Variants in BICRAL observed in about 807,000 individuals in gnomAD.
BICRAL encodes the protein BRD4-interacting chromatin-remodeling complex-associated protein-like.
A neutral mutation model predicts 91.8 loss-of-function variants in BICRAL; 8 were observed. The ratio of observed to expected loss-of-function variants is 0.09; its 90% confidence interval spans 0.05 to 0.16. BICRAL has a LOEUF of 0.16. Among genes scored for constraint, BICRAL ranks in the 10% least tolerant of loss-of-function variants. The probability of loss-of-function intolerance (pLI) is 1.00; values close to 1 mark genes in which losing one functional copy is unlikely to be tolerated. For synonymous variants in BICRAL, 445 were observed against 491.1 expected, an observed-to-expected ratio of 0.91 and a Z score of 1.24; for missense variants, 1,038 against 1,310.9, an observed-to-expected ratio of 0.79 and a Z score of 3.21.
intron 1 of BICRAL, among the ~76,000 whole-genome samples, chr6:42,770,588 G>C (rs1661678709): frequency 6.6e-6 from 1 of 151,642 alleles, no homozygotes; most frequent in South Asian, 2.1e-4. Context: ...CTAATTTTTT[G>C]TATTTTTAGT....
chr6:42,848,445 A>G (rs1038645117), intron 6 of BICRAL, among the ~76,000 whole-genome samples: 8 of 152,210 alleles, frequency 5.3e-5, no homozygotes, highest in African/African-American at 1.7e-4. Context: ...AGCGATTGCA[A>G]ATTTTCATGC....
intron 1 of BICRAL, among the ~76,000 whole-genome samples, chr6:42,751,356 T>C (rs1194009514): frequency 6.6e-6 from 1 of 152,176 alleles, no homozygotes; most frequent in African/African-American, 2.4e-5. Flanking sequence ...ATTTGTTCAG[T>C]AGAGTTTCCC....
chr6:42,861,739 C>T (rs1765561972), intron 11 of BICRAL, among the ~76,000 whole-genome samples: 1 of 152,158 alleles, frequency 6.6e-6, no homozygotes, highest in South Asian at 2.1e-4. Flanking sequence ...TGGCTCACGC[C>T]TGTAATCCCA....
At chr6:42,790,959 A>G (rs1031258748) in intron 1 of BICRAL, among the ~76,000 whole-genome samples, 10 of 152,094 alleles carry the variant, frequency 6.6e-5, no homozygotes, top group Admixed American at 1.3e-4. Flanking sequence ...TGGATTTTAA[A>G]AGGAAAGCCC....
chr6:42,828,129 A>G (rs1171823054), intron 5 of BICRAL, among the ~76,000 whole-genome samples: 1 of 151,906 alleles, frequency 6.6e-6, no homozygotes, highest in Non-Finnish European at 1.5e-5. Context: ...CAAAAGTAAG[A>G]TTGGCCAGGC....
intron 2 of BICRAL, among the ~76,000 whole-genome samples, chr6:42,816,782 AG>A (rs1177134265): frequency 6.6e-6 from 1 of 152,132 alleles, no homozygotes; most frequent in Non-Finnish European, 1.5e-5. Flanking sequence ...TGGGAGGCCG[AG>A]GCGGGCGGAT....
chr6:42,800,245 A>T (rs991258128), intron 1 of BICRAL, among the ~76,000 whole-genome samples: 3 of 151,944 alleles, frequency 2.0e-5, no homozygotes, highest in Non-Finnish European at 4.4e-5. Flanking sequence ...TTGTATTTTT[A>T]GTAGAGATAG....
Position 42,829,006 on chromosome 6 carries a change from A to G in BICRAL, c.673A>G (p.Met225Val), listed in dbSNP as rs941126959. 7 of 1,613,880 alleles carry G rather than the reference A, an allele frequency of 4.3e-6. No homozygotes were observed. The highest frequency in any genetic ancestry group is 5.1e-6 in the Non-Finnish European group (6 of 1,179,868). Residue 225 changes from methionine (M) to valine (V), a missense_variant, in exon 6 of 13, where the codon ATG becomes GTG. Met to Val is a conservative substitution (Grantham distance 21). Around this residue, in one of 5 missense-constraint regions of BICRAL, gnomAD observed 532 missense variants for 724.9 expected, o/e 0.73. Coordinates refer to ENST00000314073, the MANE Select transcript of BICRAL (RefSeq NM_001393499.1). ...TGGGTCATTTGGTAATCATCCTTCC[A>G]TGATGACTATTAATAACCTAGATGG... ...LIGSFGNHPSMMTINNLDGSQ... is the reference protein window; with the variant it reads ...LIGSFGNHPSVMTINNLDGSQ...
intron 6 of BICRAL, among the ~76,000 whole-genome samples, chr6:42,847,238 C>G (rs1036195680): frequency 6.6e-6 from 1 of 152,078 alleles, no homozygotes; most frequent in African/African-American, 2.4e-5. Context: ...CAACAGATAC[C>G]CTGTCTTAGG....
At chr6:42,783,845 T>G (rs895603617) in intron 1 of BICRAL, among the ~76,000 whole-genome samples, 7 of 152,322 alleles carry the variant, frequency 4.6e-5, no homozygotes, top group Admixed American at 4.6e-4. Context: ...GCTCCTGCCA[T>G]TTTCTCTCCT....
In BICRAL at chr6:42,829,581, C is replaced by T. The variant is rs372173810; in HGVS notation, c.1248C>T (p.His416=). 2.0e-5 allele frequency: 32 copies of T among 1,614,072 alleles called. No homozygotes were observed. The African/African-American group carries it at 2.1e-4, about 11-fold the overall frequency. The part of the protein sequence containing the change: ...SLSVSSNSVH[H]VQTINGQLLQ... ...CTGTCAGTTCCAACTCGGTACACCACGTCCAGACTATAAATGGGCAACTTC... is the reference window on the plus strand; with the variant it reads ...CTGTCAGTTCCAACTCGGTACACCATGTCCAGACTATAAATGGGCAACTTC... The change falls in exon 6 of 13, where the codon CAC becomes CAT. Residue 416 remains histidine (H), a synonymous_variant. Transcript: ENST00000314073.
chr6:42,747,238 C>A (rs905485960), intron 1 of BICRAL, among the ~76,000 whole-genome samples: 6 of 152,202 alleles, frequency 3.9e-5, no homozygotes, highest in African/African-American at 1.2e-4. Context: ...AGGGCGAGAA[C>A]CCGAGACGCA....
At chr6:42,788,646 A>AT (rs1763175303) in intron 1 of BICRAL, among the ~76,000 whole-genome samples, 2 of 152,196 alleles carry the variant, frequency 1.3e-5, no homozygotes, top group African/African-American at 4.8e-5. Flanking sequence ...TGGAGGTAGA[A>AT]TATAGGACTT....
chr6:42,862,597 G>C lies in BICRAL; in HGVS notation c.2437G>C (p.Ala813Pro). Reference protein sequence around the residue: ...RASLSRDKRLALVDPEGFQAD... With the variant: ...RASLSRDKRLPLVDPEGFQAD... ...TTCCCTGTCCCGAGACAAGCGTTTGGCACTTGTAGACCCTGGTAAGAAACA... is the reference window on the plus strand; with the variant it reads ...TTCCCTGTCCCGAGACAAGCGTTTGCCACTTGTAGACCCTGGTAAGAAACA... The change falls in exon 12 of 13, where the codon GCA (alanine) becomes CCA (proline). Residue 813 changes from alanine (A) to proline (P), a missense_variant. This residue lies in a region of BICRAL where 294 missense variants were observed against 292.6 expected (regional missense o/e 1.00). Coordinates refer to ENST00000314073, the MANE Select transcript of BICRAL (RefSeq NM_001393499.1). 2 of 1,598,702 alleles carry C rather than the reference G, an allele frequency of 1.3e-6. No homozygotes were observed. Among genetic ancestry groups the C allele is most frequent in the Non-Finnish European group, 1.7e-6 (2 of 1,166,184 alleles).
intron 1 of BICRAL, among the ~76,000 whole-genome samples, chr6:42,789,064 T>G (rs1763191114): frequency 6.6e-6 from 1 of 152,098 alleles, no homozygotes; most frequent in Non-Finnish European, 1.5e-5. Context: ...CCTTGAAATG[T>G]TAGCTGAGTA....
chr6:42,767,349 TAA>T (rs1426543876), intron 1 of BICRAL, among the ~76,000 whole-genome samples: 1 of 152,224 alleles, frequency 6.6e-6, no homozygotes, highest in African/African-American at 2.4e-5. Context: ...ATGCCTCATG[TAA>T]AAGTTTTTTT....
In BICRAL at chr6:42,866,714, G is replaced by T. The variant is rs963522097; in HGVS notation, c.*1268G>T. On this transcript the variant is annotated 3_prime_UTR_variant, in exon 13 of 13. Transcript: ENST00000314073. ...TATGCCCTGTCATGGTTTCTGTTTGGCCTGTGTTCATATTAGTGAGCATGG... is the reference window on the plus strand; with the variant it reads ...TATGCCCTGTCATGGTTTCTGTTTGTCCTGTGTTCATATTAGTGAGCATGG... The T allele has an allele frequency of 1.8e-5, 8 of 433,686 alleles. No individual in the cohort carries two copies. The highest frequency in any genetic ancestry group is 1.0e-4 in the Admixed American group (4 of 39,902). 26.9% of individuals were successfully genotyped at this position (433,686 alleles called of 1,614,324 possible).
chr6:42,780,492 A>G (rs1162270216), upstream of BICRAL, among the ~76,000 whole-genome samples: 1 of 152,212 alleles, frequency 6.6e-6, no homozygotes, highest in Non-Finnish European at 1.5e-5. Flanking sequence ...CATTCTGTTT[A>G]TCAGCAGGAT....
intron 1 of BICRAL, among the ~76,000 whole-genome samples, chr6:42,793,569 G>T (rs567693569): frequency 6.6e-6 from 1 of 151,630 alleles, no homozygotes; most frequent in South Asian, 2.1e-4. Flanking sequence ...GATTACAGGC[G>T]TGAGCCACCG....
Sources: gnomAD v4.1 joint callset for allele counts (sites outside exome capture counted in the v4.1 genomes callset) on GRCh38, gnomAD v4.1.1 for gene constraint, gnomAD v4.1.1 regional missense constraint, MANE v1.5 for transcripts, NCBI Gene and HGNC (gene_info 2026-07-23, HGNC 2026-07-21) for gene names.